The following PXDC1 variants were observed in gnomAD, a reference collection of about 807,000 sequenced individuals.
The protein encoded by PXDC1 is PX domain-containing protein 1.
Under a neutral mutation model 24.4 loss-of-function variants are expected in PXDC1, and 13 were observed. The ratio of observed to expected loss-of-function variants is 0.53; its 90% CI spans 0.35 to 0.85. The LOEUF (loss-of-function observed/expected upper bound fraction) is 0.85, where lower values mean the gene tolerates loss of function less well. Among genes scored for constraint, PXDC1 ranks in the 40% least tolerant of loss-of-function variants. PXDC1 has a pLI of 0.01. For missense variants in PXDC1, 344 were observed against 309.3 expected, an observed-to-expected ratio of 1.11 and a Z score of -0.84; for synonymous variants, 162 against 124.9, an observed-to-expected ratio of 1.30 and a Z score of -1.98.
intron 3 of PXDC1, among the ~76,000 whole-genome samples, 196 bp from the exon 4 acceptor site, chr6:3,727,858 C>T (rs550909851): frequency 3.3e-5 from 5 of 152,242 alleles, no homozygotes; most frequent in South Asian, 4.2e-4. Flanking sequence ...GGTCAATCCC[C>T]GCAGGAGCCA....
intron 1 of PXDC1, among the ~76,000 whole-genome samples, chr6:3,750,090 C>G (rs933076776): frequency 6.6e-6 from 1 of 152,258 alleles, no homozygotes; most frequent in African/African-American, 2.4e-5. Context: ...AGGGCCCCAA[C>G]TCGCTGGCTG....
intron 1 of PXDC1, among the ~76,000 whole-genome samples, chr6:3,747,384 C>T (rs113627502): frequency 0.033 from 5,044 of 152,202 alleles, 292 homozygotes; most frequent in African/African-American, 0.12. Flanking sequence ...CACAGCAGCC[C>T]GAGTTTGAGT....
intron 1 of PXDC1, among the ~76,000 whole-genome samples, chr6:3,742,044 C>T (rs577805954): frequency 6.6e-6 from 1 of 152,218 alleles, no homozygotes; most frequent in Non-Finnish European, 1.5e-5. Context: ...AAACCTCAAG[C>T]TCCTGCTGCC....
chr6:3,730,050 G>A (rs1760160240), intron 3 of PXDC1, among the ~76,000 whole-genome samples: 1 of 152,182 alleles, frequency 6.6e-6, no homozygotes, highest in Non-Finnish European at 1.5e-5. Flanking sequence ...GCACATACAT[G>A]TGGTTTAATT....
At position 3,725,572 on chromosome 6, in the gene PXDC1, G is replaced by T. The variant is rs910887819; in HGVS notation, c.579-1836C>A. Among the ~76,000 whole-genome samples the T allele has an allele frequency of 6.6e-6, 1 of 152,210 alleles. No homozygotes were observed. Among genetic ancestry groups the T allele is most frequent in the Non-Finnish European group, 1.5e-5 (1 of 68,022 alleles). ...ACTCTGCTGTGGGGGCCCTGCTGTG[G>T]GCCCGGCGGCACTGGGCTCACAGGC... is the stretch of plus-strand genomic sequence containing the variant. On this transcript the variant is annotated intron_variant, in intron 4 of 4. Coordinates refer to ENST00000380283, the MANE Select transcript of PXDC1 (RefSeq NM_183373.4). The surrounding 1 kb of genome is among the most constrained non-coding windows in gnomAD (Gnocchi z 4.8).
In PXDC1 at chr6:3,738,155, T is replaced by C. The variant is rs369407240; in HGVS notation, c.257-7A>G. The C allele has an allele frequency of 1.2e-6, 2 of 1,610,790 alleles. No homozygotes were observed. The highest frequency in any genetic ancestry group is 1.7e-4 in the Middle Eastern group (1 of 6,058). On this transcript the variant is annotated splice_region_variant and splice_polypyrimidine_tract_variant and intron_variant, in intron 1 of 4. Coordinates refer to ENST00000380283, the MANE Select transcript of PXDC1 (RefSeq NM_183373.4). ...TCCTTTATGGCAACCAGTCCTAGAA[T>C]TGAGACAGAAATGCTCAAAGTCAGA...
intron 1 of PXDC1, among the ~76,000 whole-genome samples, 199 bp from the exon 2 acceptor site, chr6:3,738,347 A>T (rs1307710350): frequency 6.6e-6 from 1 of 152,180 alleles, no homozygotes; most frequent in African/African-American, 2.4e-5. Flanking sequence ...TCACCTACCC[A>T]GTGATCCATA....
intron 4 of PXDC1, among the ~76,000 whole-genome samples, chr6:3,727,278 C>A (rs996433950): frequency 2.0e-5 from 3 of 152,226 alleles, no homozygotes; most frequent in African/African-American, 7.2e-5. Context: ...CAGCATCACA[C>A]CCCTCAGGGC....
chr6:3,738,958 A>G (rs1760393838), intron 1 of PXDC1: 1 of 1,296,950 alleles, frequency 7.7e-7, no homozygotes, highest in Non-Finnish European at 1.0e-6. Flanking sequence ...ACCGAGGCTG[A>G]TGCAAACGTG....
chr6:3,731,877 C>A (rs1760205622), intron 3 of PXDC1, among the ~76,000 whole-genome samples: 2 of 152,192 alleles, frequency 1.3e-5, no homozygotes, highest in Admixed American at 6.5e-5. Flanking sequence ...TGCATGAGAC[C>A]TGGAGTGGCA....
chr6:3,742,260 T>C (rs1290817303), intron 1 of PXDC1, among the ~76,000 whole-genome samples: 1 of 152,252 alleles, frequency 6.6e-6, no homozygotes, highest in Non-Finnish European at 1.5e-5. Context: ...GTGCTTTGGC[T>C]TCCAAATGGC....
At chr6:3,740,569 C>T (rs959245635) in intron 1 of PXDC1, among the ~76,000 whole-genome samples, 1 of 152,180 alleles carries the variant, frequency 6.6e-6, no homozygotes, top group Non-Finnish European at 1.5e-5. Context: ...CTCTGGAAAC[C>T]GTGTTAGGAT....
chr6:3,751,691 A>G lies in PXDC1; in HGVS notation c.-160T>C. ...GCTGCGTATGGCCCGCGTTCGGGGC[A>G]GCGGGGCGGCGCGGCGGCGAGTGGC... On this transcript the variant is annotated 5_prime_UTR_variant, in exon 1 of 5. Coordinates refer to ENST00000380283, the MANE Select transcript of PXDC1 (RefSeq NM_183373.4). 13 of 1,123,240 alleles carry G rather than the reference A, an allele frequency of 1.2e-5. No homozygotes were observed. The highest frequency in any genetic ancestry group is 1.6e-5 in the African/African-American group (1 of 61,186). 69.6% of individuals were successfully genotyped at this position (1,123,240 alleles called of 1,614,324 possible). A position where few individuals can be genotyped will look rare whatever the true frequency, so the allele number is the denominator to read the frequency against.
intron 1 of PXDC1, among the ~76,000 whole-genome samples, chr6:3,741,731 G>A (rs1029787442): frequency 6.6e-5 from 10 of 152,312 alleles, no homozygotes; most frequent in South Asian, 4.1e-4. Context: ...AACGCAGCGC[G>A]GGGCTGCCTT....
At position 3,723,220 on chromosome 6, in the gene PXDC1, T is replaced by C; in HGVS notation, c.*399A>G. On this transcript the variant is annotated 3_prime_UTR_variant, in exon 5 of 5. Transcript: ENST00000380283. The stretch of plus-strand genomic sequence containing the variant: ...GTGCGTTTGCCGTGGGAGGGAATGG[T>C]GGGGAGTCAGGGTGGCTGGGGGGCA... The C allele has an allele frequency of 5.3e-6, 1 of 188,354 alleles. No individual in the cohort carries two copies. Among genetic ancestry groups the C allele is most frequent in the East Asian group, 1.3e-4 (1 of 7,462 alleles). 11.7% of individuals were successfully genotyped at this position (188,354 alleles called of 1,614,324 possible). A position where few individuals can be genotyped will look rare whatever the true frequency, so the allele number is the denominator to read the frequency against.
At position 3,738,969 on chromosome 6, in the gene PXDC1, C is replaced by T. The variant is rs1344876729; in HGVS notation, c.257-821G>A. 4.6e-6 allele frequency: 6 copies of T among 1,292,178 alleles called. No homozygotes were observed. The South Asian group carries it at 7.4e-5, about 16-fold the overall frequency. 80.0% of individuals were successfully genotyped at this position (1,292,178 alleles called of 1,614,324 possible). A position where few individuals can be genotyped will look rare whatever the true frequency, so the allele number is the denominator to read the frequency against. On this transcript the variant is annotated intron_variant, in intron 1 of 4. Transcript: ENST00000380283. Reference sequence around the variant, plus strand: ...TGTGACCGAGGCTGATGCAAACGTGCCTGTGAGCGGTGATTAAACCACAAA... The same window carrying T: ...TGTGACCGAGGCTGATGCAAACGTGTCTGTGAGCGGTGATTAAACCACAAA...
At chr6:3,740,984 T>C (rs772008665) in intron 1 of PXDC1, among the ~76,000 whole-genome samples, 1 of 152,268 alleles carries the variant, frequency 6.6e-6, no homozygotes, top group Non-Finnish European at 1.5e-5. Context: ...AGGGATGCGA[T>C]GTTCGCTGGC....
At chr6:3,736,963 A>G in intron 3 of PXDC1, 116 bp downstream of exon 3, 1 of 725,752 alleles carries the variant, frequency 1.4e-6, no homozygotes, top group Non-Finnish European at 2.5e-6. Flanking sequence ...ATTTCTCTCG[A>G]TTGTCTTTCT....
At chr6:3,748,553 C>T (rs980138937) in intron 1 of PXDC1, among the ~76,000 whole-genome samples, 1 of 152,128 alleles carries the variant, frequency 6.6e-6, no homozygotes, top group Non-Finnish European at 1.5e-5. Flanking sequence ...CTCCAAGCAC[C>T]ACTCCACAGT....
Sources: gnomAD v4.1 joint callset for allele counts (sites outside exome capture counted in the v4.1 genomes callset) on GRCh38, gnomAD v4.1.1 for gene constraint, Gnocchi (gnomAD v3.1) non-coding constraint, MANE v1.5 for transcripts, NCBI Gene and HGNC (gene_info 2026-07-23, HGNC 2026-07-21) for gene names.